The following ATP8B1 variants were observed in gnomAD, a reference collection of about 807,000 sequenced individuals.
ATP8B1 encodes the protein phospholipid-transporting ATPase IC.
A neutral mutation model predicts 149.9 loss-of-function variants in ATP8B1; 80 were observed. That is an observed-to-expected ratio of 0.53 (90% CI 0.45 to 0.64). The LOEUF (loss-of-function observed/expected upper bound fraction) is 0.64. Among genes scored for constraint, ATP8B1 ranks in the 30% least tolerant of loss-of-function variants. The pLI, the probability that ATP8B1 is intolerant of heterozygous loss-of-function variation, is 0.00. For missense variants in ATP8B1, 1,247 were observed against 1,552.6 expected (o/e 0.80, Z 3.31); for synonymous variants, 536 against 562.8 (o/e 0.95, Z 0.67).
rs1480121696 is a variant in ATP8B1, at chr18:57,694,420, G to C, written c.1029+162C>G. Among the ~76,000 whole-genome samples the C allele has an allele frequency of 3.3e-5, 5 of 151,220 alleles. No individual in the cohort carries two copies. The East Asian group carries it at 9.7e-4, about 29-fold the overall frequency. ...TTCTGAGAAAAAGTAAGGCATTTCTGGAAAAAAAAATCCCTTCTTCCTGCA... is the reference window on the plus strand; with the variant it reads ...TTCTGAGAAAAAGTAAGGCATTTCTCGAAAAAAAAATCCCTTCTTCCTGCA... On this transcript the variant is annotated intron_variant, in intron 11 of 27. Transcript: ENST00000648908.
intron 1 of ATP8B1, chr18:57,740,762 G>A (rs1394088442): frequency 6.6e-6 from 1 of 151,962 alleles, no homozygotes; most frequent in Non-Finnish European, 1.5e-5. Flanking sequence ...TTTTAGTAGA[G>A]ATGAGGTCTT....
chr18:57,700,945 A>C, intron 6 of ATP8B1, 94 bp downstream of exon 6: 1 of 1,284,012 alleles, frequency 7.8e-7, no homozygotes, highest in East Asian at 2.3e-5. Flanking sequence ...ATGTACTAAT[A>C]GCCTTCTACA....
chr18:57,693,498 AG>A (rs1279988250), intron 11 of ATP8B1, among the ~76,000 whole-genome samples: 2 of 152,110 alleles, frequency 1.3e-5, no homozygotes, highest in African/African-American at 4.8e-5. Context: ...ACTTGAGGTC[AG>A]GGGTTCGAGA....
At position 57,669,367 on chromosome 18, in the gene ATP8B1, C is replaced by T. The variant is rs758837431; in HGVS notation, c.2048G>A (p.Arg683Gln). The change falls in exon 18 of 28, where the codon CGG (arginine) becomes CAG (glutamine). Residue 683 changes from arginine (R) to glutamine (Q), a missense_variant. Arg to Gln is a conservative substitution (Grantham distance 43). Around this residue, in one of 3 missense-constraint regions of ATP8B1, gnomAD observed 853 missense variants for 1,035.7 expected, o/e 0.82. Transcript: ENST00000648908. ...ATATACTTTATCCAGAGCTTCGTCC[C>T]GGTTGGTGGAGGCCACACTGGCAGC... ...FMAASVASTN[R>Q]DEALDKVYEE... 20 of 1,613,604 alleles carry T rather than the reference C, an allele frequency of 1.2e-5. No individual in the cohort carries two copies. Among genetic ancestry groups the T allele is most frequent in the Middle Eastern group, 1.6e-4 (1 of 6,084 alleles).
At chr18:57,762,749 T>C (rs899305336) in intron 1 of ATP8B1, among the ~76,000 whole-genome samples, 3 of 152,214 alleles carry the variant, frequency 2.0e-5, no homozygotes, top group African/African-American at 7.2e-5. Flanking sequence ...GCTTTTTCAT[T>C]GTTCCTTTTT....
At chr18:57,742,813 G>C (rs1010532527) in intron 1 of ATP8B1, among the ~76,000 whole-genome samples, 1 of 135,824 alleles carries the variant, frequency 7.4e-6, no homozygotes, top group African/African-American at 2.9e-5. Flanking sequence ...GACAGAGCAA[G>C]ACCCCATCTC....
intron 1 of ATP8B1, among the ~76,000 whole-genome samples, chr18:57,743,934 T>C (rs2079941162): frequency 6.6e-6 from 1 of 152,176 alleles, no homozygotes; most frequent in South Asian, 2.1e-4. Context: ...TTTCTTCACC[T>C]GGAACACCAA....
chr18:57,699,073 A>T (rs2122922296), intron 6 of ATP8B1, among the ~76,000 whole-genome samples: 1 of 152,324 alleles, frequency 6.6e-6, no homozygotes, highest in Non-Finnish European at 1.5e-5. Flanking sequence ...GGGATCAGTA[A>T]TGAGTTGTTT....
intron 21 of ATP8B1, among the ~76,000 whole-genome samples, chr18:57,662,257 GA>G (rs924030623): frequency 6.6e-6 from 1 of 152,034 alleles, no homozygotes; most frequent in Admixed American, 6.6e-5. Flanking sequence ...AGAAGAAAAT[GA>G]AAAAACCCAT....
chr18:57,736,858 C>T (rs1255853351), intron 1 of ATP8B1, among the ~76,000 whole-genome samples: 1 of 151,932 alleles, frequency 6.6e-6, no homozygotes, highest in Non-Finnish European at 1.5e-5. Context: ...TATTCTGTTC[C>T]ATTGGTTTAT....
chr18:57,765,360 C>G (rs535496041), intron 1 of ATP8B1, among the ~76,000 whole-genome samples: 3 of 152,190 alleles, frequency 2.0e-5, no homozygotes, highest in African/African-American at 7.2e-5. Context: ...CCCTTAAAGA[C>G]ACTGAAGTGT....
chr18:57,771,417 C>T (rs2080261925), intron 1 of ATP8B1, among the ~76,000 whole-genome samples: 1 of 151,542 alleles, frequency 6.6e-6, no homozygotes, highest in Admixed American at 6.6e-5. Flanking sequence ...AATTCCCTTA[C>T]TTCCTGATCC....
chr18:57,788,717 C>T (rs1342034847), intron 1 of ATP8B1, among the ~76,000 whole-genome samples: 1 of 152,144 alleles, frequency 6.6e-6, no homozygotes, highest in African/African-American at 2.4e-5. Context: ...TAATTCCTGT[C>T]TTGCCAACTC....
At chr18:57,719,457 G>C (rs2079616533) in intron 2 of ATP8B1, among the ~76,000 whole-genome samples, 1 of 152,250 alleles carries the variant, frequency 6.6e-6, no homozygotes, top group Non-Finnish European at 1.5e-5. Flanking sequence ...GGAAGCGCAA[G>C]GGGTCAGGGA....
chr18:57,717,857 T>C lies in ATP8B1; in HGVS notation c.182-11270A>G, dbSNP rs1356557123. 4.0e-5 allele frequency among the ~76,000 whole-genome samples: 6 copies of C among 150,904 alleles called. No homozygotes were observed. In the South Asian group the frequency reaches 1.3e-3, roughly 32 times the overall value. ...TTCAAGCAATTCTTGTGCCTCAGTC[T>C]CCTGAGTAGCTAGGAGTAGCCAGGA... is the stretch of plus-strand genomic sequence containing the variant. On this transcript the variant is annotated intron_variant, in intron 2 of 27. Transcript: ENST00000648908.
chr18:57,765,673 GA>G (rs75577653), intron 1 of ATP8B1, among the ~76,000 whole-genome samples: 10,238 of 96,738 alleles, frequency 0.11, 1,072 homozygotes, highest in African/African-American at 0.3. Flanking sequence ...TGTCTCAAAA[GA>G]AAAAAAAAAA....
At chr18:57,653,027 G>GAATATATA (rs1909730541) in intron 24 of ATP8B1, among the ~76,000 whole-genome samples, 1 of 152,096 alleles carries the variant, frequency 6.6e-6, no homozygotes, top group Admixed American at 6.6e-5. Context: ...GGAGGCTACT[G>GAATATATA]TTTTTACCTC....
At chr18:57,668,001 CT>C in intron 19 of ATP8B1, 2 of 1,178,394 alleles carry the variant, frequency 1.7e-6, no homozygotes, top group Non-Finnish European at 2.2e-6. Context: ...TCGTTCTTTC[CT>C]TAGGTATACA....
At chr18:57,753,850 C>A (rs1378019869) in intron 1 of ATP8B1, among the ~76,000 whole-genome samples, 1 of 148,552 alleles carries the variant, frequency 6.7e-6, no homozygotes, top group Non-Finnish European at 1.5e-5. Flanking sequence ...ATTGCTTGAA[C>A]CTGGGAGGCG....
Sources: allele counts gnomAD v4.1 joint callset (sites outside exome capture counted in the v4.1 genomes callset), GRCh38; gene constraint gnomAD v4.1.1; regional missense constraint gnomAD v4.1.1; transcripts MANE v1.5; gene names NCBI Gene and HGNC (gene_info 2026-07-23, HGNC 2026-07-21).